The following PLD5 variants were observed in gnomAD, a reference collection of about 807,000 sequenced individuals.
PLD5 encodes phospholipase D family member 5.
A neutral mutation model predicts 61.1 loss-of-function variants in PLD5; 36 were observed. That is an observed-to-expected ratio of 0.59 (90% CI 0.45 to 0.78). The LOEUF is 0.78. Ranked by LOEUF, PLD5 falls within the 30% of genes least tolerant of loss-of-function variation. The pLI is 0.00. For synonymous variants in PLD5, 243 were observed against 242.8 expected, an observed-to-expected ratio of 1.00 and a Z score of -0.01; for missense variants, 515 against 644.4, an observed-to-expected ratio of 0.80 and a Z score of 2.17.
chr1:242,398,512 G>A (rs753390171), intron 1 of PLD5, among the ~76,000 whole-genome samples: 5 of 152,082 alleles, frequency 3.3e-5, no homozygotes, highest in Admixed American at 6.5e-5. Context: ...ATAGGCTGAC[G>A]TCTTTCTCCA....
rs1670473584 is a variant in PLD5 at position 242,220,122 on chromosome 1, G to T, written c.608-7C>A. On this transcript the variant is annotated splice_polypyrimidine_tract_variant and splice_region_variant and intron_variant, in intron 4 of 9. Transcript: ENST00000536534. ...ATGTACGTCACCTCGGCTCCTAGGAGTTCAAGGACAGTCTGGTCAGCCTCT... is the reference window on the plus strand; with the variant it reads ...ATGTACGTCACCTCGGCTCCTAGGATTTCAAGGACAGTCTGGTCAGCCTCT... The T allele has an allele frequency of 6.2e-7, 1 of 1,613,942 alleles. No homozygotes were observed. Among genetic ancestry groups the T allele is most frequent in the Non-Finnish European group, 8.5e-7 (1 of 1,179,862 alleles).
chr1:242,524,063 G>T, intron 1 of PLD5, 25 bp downstream of exon 1: 4 of 1,525,748 alleles, frequency 2.6e-6, no homozygotes, highest in African/African-American at 1.4e-5. Context: ...CCTGGCCGAG[G>T]CCCCCGGGAG....
At chr1:242,328,496 T>G (rs1658963905) in intron 2 of PLD5, among the ~76,000 whole-genome samples, 1 of 152,222 alleles carries the variant, frequency 6.6e-6, no homozygotes, top group African/African-American at 2.4e-5. Context: ...TTATGTGTTC[T>G]ACATATGTAT....
rs1466539669 is a variant in PLD5 at position 242,114,599 on chromosome 1, CT to C, written c.934-574del. Among the ~76,000 whole-genome samples the C allele has an allele frequency of 3.3e-5, 5 of 152,354 alleles. No homozygotes were observed. The East Asian group carries it at 7.7e-4, about 24-fold the overall frequency. Reference sequence around the variant, plus strand: ...AAAGCTTCATCTGTATTTACAGCCGCTCCCCCTTGCTCGCGTCACCGCCTGA... The same window carrying C: ...AAAGCTTCATCTGTATTTACAGCCGCCCCCCTTGCTCGCGTCACCGCCTGA... On this transcript the variant is annotated intron_variant, in intron 6 of 9. Coordinates refer to ENST00000536534, the MANE Select transcript of PLD5 (RefSeq NM_001372062.1).
rs1411953507 is a variant in PLD5, at chr1:242,328,426, ATGTG to A, written c.326+19676_326+19679del. On this transcript the variant is annotated intron_variant, in intron 2 of 9. Transcript: ENST00000536534. ...TGTGTGTTCTACACGTTTTCTATATATGTGTGTTCTACATACATGTGTTGTACAT... is the reference window on the plus strand; with the variant it reads ...TGTGTGTTCTACACGTTTTCTATATATGTTCTACATACATGTGTTGTACAT... Among the ~76,000 whole-genome samples, 3 of 152,174 alleles carry A rather than the reference ATGTG, an allele frequency of 2.0e-5. No individual in the cohort carries two copies. The East Asian group carries it at 5.8e-4, about 29-fold the overall frequency.
Position 242,110,097 on chromosome 1 carries a change from T to C in PLD5, c.1071-2258A>G, listed in dbSNP as rs373255627. On this transcript the variant is annotated intron_variant, in intron 7 of 9. Coordinates refer to ENST00000536534, the MANE Select transcript of PLD5 (RefSeq NM_001372062.1). ...TTATATATTATTATTATTATATTAT[T>C]ATATTATCATAAAGGCCATTAGAGA... 6.5e-5 allele frequency among the ~76,000 whole-genome samples: 6 copies of C among 93,000 alleles called. No individual in the cohort carries two copies. The South Asian group carries it at 1.7e-3, about 26-fold the overall frequency. The allele number at this position is 93,000 out of a possible 152,430, so 61.0% of individuals were successfully genotyped here. A position where few individuals can be genotyped will look rare whatever the true frequency, so the allele number is the denominator to read the frequency against.
intron 1 of PLD5, chr1:242,449,211 C>A (rs1445384789): frequency 1.0e-6 from 1 of 990,470 alleles, no homozygotes; most frequent in South Asian, 1.5e-5. Context: ...GTGTTCCTGC[C>A]CTTCTCATAA....
At chr1:242,224,743 T>C (rs1333392110) in intron 4 of PLD5, among the ~76,000 whole-genome samples, 1 of 152,254 alleles carries the variant, frequency 6.6e-6, no homozygotes, top group African/African-American at 2.4e-5. Flanking sequence ...AGTTAATATG[T>C]TCAAAACTAA....
chr1:242,392,237 C>T (rs774792252), intron 1 of PLD5, among the ~76,000 whole-genome samples: 3 of 152,094 alleles, frequency 2.0e-5, no homozygotes, highest in Non-Finnish European at 2.9e-5. Flanking sequence ...ATGGCAACAA[C>T]AGATGCTGGT....
At chr1:242,464,835 G>A (rs1413093007) in intron 1 of PLD5, among the ~76,000 whole-genome samples, 2 of 152,214 alleles carry the variant, frequency 1.3e-5, no homozygotes, top group African/African-American at 4.8e-5. Context: ...GAGGAGTGAA[G>A]TGCTGACACA....
At chr1:242,308,493 A>T (rs939864992) in intron 2 of PLD5, among the ~76,000 whole-genome samples, 5 of 152,214 alleles carry the variant, frequency 3.3e-5, no homozygotes, top group African/African-American at 1.2e-4. Flanking sequence ...ATATCTTTTA[A>T]AACTCATAAA....
chr1:242,222,203 T>C (rs974571162), intron 4 of PLD5, among the ~76,000 whole-genome samples: 7 of 137,376 alleles, frequency 5.1e-5, no homozygotes, highest in African/African-American at 1.9e-4. Context: ...TACAGTATGA[T>C]CTTAACTAAT....
intron 1 of PLD5, among the ~76,000 whole-genome samples, chr1:242,388,965 TAAAAC>T (rs1359333815): frequency 7.1e-6 from 1 of 140,030 alleles, no homozygotes; most frequent in Non-Finnish European, 1.6e-5. Flanking sequence ...AAAAATAAAA[TAAAAC>T]AAAATAAAAA....
chr1:242,134,380 C>T (rs1447697061), intron 5 of PLD5, among the ~76,000 whole-genome samples: 1 of 112,764 alleles, frequency 8.9e-6, no homozygotes, highest in Non-Finnish European at 1.8e-5. Flanking sequence ...GTGATGTAGC[C>T]TTCAGTTTTT....
At chr1:242,126,155 A>C (rs12134702) in intron 5 of PLD5, among the ~76,000 whole-genome samples, 27,177 of 152,144 alleles carry the variant, frequency 0.18, 2,571 homozygotes, top group Non-Finnish European at 0.19. Flanking sequence ...CACTGCTGAA[A>C]GAATAGATGA....
At chr1:242,147,945 C>T (rs1474132007) in intron 5 of PLD5, among the ~76,000 whole-genome samples, 1 of 152,140 alleles carries the variant, frequency 6.6e-6, no homozygotes, top group African/African-American at 2.4e-5. Flanking sequence ...ATGTGATTTA[C>T]AAATATTGCT....
intron 1 of PLD5, among the ~76,000 whole-genome samples, chr1:242,368,330 G>A (rs1027448042): frequency 3.7e-5 from 1 of 27,248 alleles, no homozygotes; most frequent in Non-Finnish European, 3.7e-4. Flanking sequence ...AACCAATAAA[G>A]CAGCCTCATT....
At chr1:242,230,861 C>T (rs1239415359) in intron 4 of PLD5, among the ~76,000 whole-genome samples, 2 of 152,138 alleles carry the variant, frequency 1.3e-5, no homozygotes, top group Non-Finnish European at 2.9e-5. Context: ...AGGGTGGTTT[C>T]TAAGAGTTGT....
At chr1:242,224,197 T>C (rs894463936) in intron 4 of PLD5, among the ~76,000 whole-genome samples, 8 of 152,194 alleles carry the variant, frequency 5.3e-5, no homozygotes, top group African/African-American at 1.9e-4. Flanking sequence ...AACATTTAGA[T>C]AAAAGGGCAG....
Sources: gnomAD v4.1 joint callset for allele counts (sites outside exome capture counted in the v4.1 genomes callset) on GRCh38, gnomAD v4.1.1 for gene constraint, MANE v1.5 for transcripts, NCBI Gene and HGNC (gene_info 2026-07-23, HGNC 2026-07-21) for gene names.